MAML3: variants seen among roughly 807,000 people sequenced by gnomAD.
The protein encoded by MAML3 is mastermind like transcriptional coactivator 3.
MAML3 carries 27 observed loss-of-function variants against 101.9 expected under a neutral mutation model. The observed-to-expected ratio is 0.27, with a 90% CI of 0.20 to 0.37. The LOEUF is 0.37. MAML3 is among the 10% of genes least tolerant of loss of function. The pLI is 1.00. For synonymous variants in MAML3, 501 were observed against 555.9 expected (o/e 0.90, Z 1.39); for missense variants, 1,316 against 1,444.9 (o/e 0.91, Z 1.45).
intron 1 of MAML3, among the ~76,000 whole-genome samples, chr4:140,032,758 C>T (rs1213760880): frequency 6.6e-6 from 1 of 151,818 alleles, no homozygotes; most frequent in Non-Finnish European, 1.5e-5. Context: ...AAAACTTACT[C>T]GACATCTAGG....
chr4:140,061,207 C>T (rs1727442672), intron 1 of MAML3, among the ~76,000 whole-genome samples: 1 of 152,088 alleles, frequency 6.6e-6, no homozygotes, highest in Non-Finnish European at 1.5e-5. Context: ...CAGTGAACAC[C>T]CTGGGAACAG....
At chr4:139,783,897 A>G (rs1197818972) in intron 2 of MAML3, among the ~76,000 whole-genome samples, 1 of 152,270 alleles carries the variant, frequency 6.6e-6, no homozygotes, top group East Asian at 1.9e-4. Flanking sequence ...TAACATGCAG[A>G]TTGACTCCTC....
intron 1 of MAML3, among the ~76,000 whole-genome samples, chr4:139,892,848 A>G (rs1433177547): frequency 2.0e-5 from 3 of 149,828 alleles, no homozygotes; most frequent in Admixed American, 6.7e-5. Context: ...GGAGAATGGC[A>G]TGAACCCGGG....
At chr4:140,093,171 G>C (rs1205893504) in intron 1 of MAML3, among the ~76,000 whole-genome samples, 1 of 152,160 alleles carries the variant, frequency 6.6e-6, no homozygotes, top group Non-Finnish European at 1.5e-5. Context: ...GTCCTGAGTT[G>C]AAATATCTAA....
intron 2 of MAML3, among the ~76,000 whole-genome samples, chr4:139,763,567 C>A (rs534274378): frequency 1.3e-5 from 2 of 151,990 alleles, no homozygotes; most frequent in South Asian, 4.2e-4. Context: ...CCAAAATAAA[C>A]AGAATTGCTT....
intron 1 of MAML3, among the ~76,000 whole-genome samples, chr4:139,987,943 A>G (rs986654998): frequency 1.4e-5 from 2 of 141,072 alleles, no homozygotes; most frequent in Non-Finnish European, 3.0e-5. Flanking sequence ...AATCGCTTGA[A>G]CTCAGGAGGT....
intron 1 of MAML3, among the ~76,000 whole-genome samples, chr4:139,944,019 C>T (rs888547109): frequency 1.3e-4 from 20 of 151,488 alleles, no homozygotes; most frequent in Non-Finnish European, 1.6e-4. Flanking sequence ...TACAGGCGTG[C>T]GCCACCACAC....
chr4:139,978,255 T>C (rs970095575), intron 1 of MAML3, among the ~76,000 whole-genome samples: 11 of 152,180 alleles, frequency 7.2e-5, no homozygotes, highest in African/African-American at 2.4e-4. Flanking sequence ...AGTGAGCTAA[T>C]GTGGAGATGC....
At chr4:139,941,841 C>A (rs549927897) in intron 1 of MAML3, among the ~76,000 whole-genome samples, 1 of 151,942 alleles carries the variant, frequency 6.6e-6, no homozygotes, top group Non-Finnish European at 1.5e-5. Context: ...CATTAGAAAC[C>A]TTTAATACCA....
At chr4:139,841,980 A>G (rs1212071233) in intron 2 of MAML3, among the ~76,000 whole-genome samples, 2 of 152,178 alleles carry the variant, frequency 1.3e-5, no homozygotes, top group African/African-American at 2.4e-5. Flanking sequence ...AAACACATTT[A>G]TTTGTCCAGG....
At chr4:140,076,230 C>T (rs1037535855) in intron 1 of MAML3, among the ~76,000 whole-genome samples, 24 of 152,244 alleles carry the variant, frequency 1.6e-4, no homozygotes, top group African/African-American at 5.8e-4. Flanking sequence ...TATTCCCTCT[C>T]TATCCCCCAA....
chr4:139,795,858 G>A (rs1259499727), intron 2 of MAML3, among the ~76,000 whole-genome samples: 5 of 152,194 alleles, frequency 3.3e-5, no homozygotes, highest in African/African-American at 4.8e-5. Flanking sequence ...GTGTAACTAC[G>A]CATGTATGTG....
chr4:139,851,937 C>T (rs1298223384), intron 2 of MAML3, among the ~76,000 whole-genome samples: 2 of 152,250 alleles, frequency 1.3e-5, no homozygotes, highest in East Asian at 1.9e-4. Context: ...TAAGTTTGTA[C>T]GTGGTCTCTC....
intron 1 of MAML3, among the ~76,000 whole-genome samples, chr4:139,980,884 G>A (rs896323124): frequency 6.6e-6 from 1 of 152,228 alleles, no homozygotes; most frequent in African/African-American, 2.4e-5. Flanking sequence ...TACTGCGGTA[G>A]AGAATTGTGT....
chr4:140,137,138 G>A (rs938700259), intron 1 of MAML3, among the ~76,000 whole-genome samples: 71 of 152,238 alleles, frequency 4.7e-4, no homozygotes, highest in African/African-American at 1.5e-3. Context: ...ACAGGCGCCC[G>A]CCACCGCGCC....
In MAML3 at chr4:140,106,049, A is replaced by G. The variant is rs72714234; in HGVS notation, c.468+46811T>C. On this transcript the variant is annotated intron_variant, in intron 1 of 4. Transcript: ENST00000509479. ...ATTATGCTATACACTAGGGGCAGTC[A>G]TCCCAAAACGAAGGAATCACTCGTC... 4.8e-3 allele frequency among the ~76,000 whole-genome samples: 719 copies of G among 148,864 alleles called. 4 individuals carry two copies. The highest frequency in any genetic ancestry group is 0.014 in the Middle Eastern group (4 of 282).
intron 1 of MAML3, among the ~76,000 whole-genome samples, chr4:140,070,229 A>G (rs1321940525): frequency 6.6e-6 from 1 of 152,226 alleles, no homozygotes. Flanking sequence ...TTCCAGCTTC[A>G]ATATTTCCCA....
Position 140,119,580 on chromosome 4 carries a change from C to T in MAML3, c.468+33280G>A, listed in dbSNP as rs183627269. On this transcript the variant is annotated intron_variant, in intron 1 of 4. Coordinates refer to ENST00000509479, the MANE Select transcript of MAML3 (RefSeq NM_018717.5). Reference sequence around the variant, plus strand: ...TTCCTTCCTGAGACACTTTGGGATACACAATTTTTTCCCCCTCCCTCCCTC... The same window carrying T: ...TTCCTTCCTGAGACACTTTGGGATATACAATTTTTTCCCCCTCCCTCCCTC... Among the ~76,000 whole-genome samples, 316 of 151,524 alleles carry T rather than the reference C, an allele frequency of 2.1e-3. 1 individual carries two copies. Among genetic ancestry groups the T allele is most frequent in the Non-Finnish European group, 3.7e-3 (253 of 67,832 alleles).
chr4:139,720,334 A>G lies in MAML3; in HGVS notation c.2417-11T>C. The stretch of plus-strand genomic sequence containing the variant: ...TATCCTGGGGAGAACCTGCAGTGAA[A>G]AAGAGGACACATACCACTCACTCTT... On this transcript the variant is annotated splice_polypyrimidine_tract_variant and intron_variant, in intron 4 of 4. Coordinates refer to ENST00000509479, the MANE Select transcript of MAML3 (RefSeq NM_018717.5). The G allele has an allele frequency of 6.6e-7, 1 of 1,517,510 alleles. No individual in the cohort carries two copies. The highest frequency in any genetic ancestry group is 1.8e-4 in the Middle Eastern group (1 of 5,600). The allele number at this position is 1,517,510 out of a possible 1,614,324, so 94.0% of individuals were successfully genotyped here. A position where few individuals can be genotyped will look rare whatever the true frequency, so the allele number is the denominator to read the frequency against.
Sources: allele counts gnomAD v4.1 joint callset (sites outside exome capture counted in the v4.1 genomes callset), GRCh38; gene constraint gnomAD v4.1.1; transcripts MANE v1.5; gene names NCBI Gene and HGNC (gene_info 2026-07-23, HGNC 2026-07-21).